Variants in PTPRN2 observed in about 807,000 individuals in gnomAD.
The protein encoded by PTPRN2 is protein tyrosine phosphatase receptor type N2, also known as receptor-type tyrosine-protein phosphatase N2.
In PTPRN2, 74 loss-of-function variants were observed where a neutral mutation model predicts 118.8. The observed-to-expected ratio is 0.62, with a 90% confidence interval of 0.52 to 0.76. The LOEUF is 0.76. Among genes scored for constraint, PTPRN2 ranks in the 30% least tolerant of loss-of-function variants. PTPRN2 has a pLI of 0.00. For synonymous variants in PTPRN2, 641 were observed against 608.0 expected, an observed-to-expected ratio of 1.05 and a Z score of -0.80; for missense variants, 1,481 against 1,394.4, an observed-to-expected ratio of 1.06 and a Z score of -0.99.
rs912633681 is a variant in PTPRN2 at position 157,861,451 on chromosome 7, T to C, written c.1788+37222A>G. Among the ~76,000 whole-genome samples, 9 of 152,246 alleles carry C rather than the reference T, an allele frequency of 5.9e-5. No individual in the cohort carries two copies. The highest frequency in any genetic ancestry group is 1.0e-4 in the Non-Finnish European group (7 of 68,032). ...GCAGCTGGTGATGCCCTGTGGCATC[T>C]GCCTCCTGCCCTCGGACATGCTGGC... On this transcript the variant is annotated intron_variant, in intron 12 of 22. Coordinates refer to ENST00000389418, the MANE Select transcript of PTPRN2 (RefSeq NM_002847.5). This position sits in a 1 kb window ranked among gnomAD's most constrained non-coding sequence, Gnocchi z 5.8.
At chr7:158,361,474 C>T (rs1808955054) in intron 2 of PTPRN2, among the ~76,000 whole-genome samples, 2 of 152,188 alleles carry the variant, frequency 1.3e-5, no homozygotes, top group Non-Finnish European at 2.9e-5. Context: ...CTGTGAAAAC[C>T]TCTTTTGCTC....
intron 1 of PTPRN2, among the ~76,000 whole-genome samples, chr7:158,508,150 CGGTG>C (rs1822903939): frequency 1.3e-5 from 2 of 150,340 alleles, no homozygotes; most frequent in African/African-American, 4.9e-5. Flanking sequence ...GACAGCCCCA[CGGTG>C]GGCAGAAGGC....
chr7:157,822,448 T>C (rs1356850781), intron 12 of PTPRN2, among the ~76,000 whole-genome samples: 1 of 151,966 alleles, frequency 6.6e-6, no homozygotes, highest in Non-Finnish European at 1.5e-5. Context: ...ATACTATCCA[T>C]CATCCATCTA....
chr7:158,098,180 G>A (rs1046748905), intron 10 of PTPRN2, among the ~76,000 whole-genome samples: 2 of 152,238 alleles, frequency 1.3e-5, no homozygotes, highest in Non-Finnish European at 2.9e-5. Context: ...AAGACCCAGC[G>A]TGGGGCAGCC....
intron 3 of PTPRN2, among the ~76,000 whole-genome samples, chr7:158,253,282 A>G (rs904561079): frequency 1.3e-5 from 2 of 150,890 alleles, no homozygotes; most frequent in Non-Finnish European, 2.9e-5. Flanking sequence ...GGGCCAGCAC[A>G]GCGGGCGGGG....
chr7:158,450,806 G>A (rs781478668), intron 2 of PTPRN2, among the ~76,000 whole-genome samples: 8 of 152,224 alleles, frequency 5.3e-5, no homozygotes, highest in Non-Finnish European at 8.8e-5. Context: ...TGCCACCTAC[G>A]CGCTTCCTTG....
At chr7:158,147,446 C>G (rs1820233849) in intron 6 of PTPRN2, among the ~76,000 whole-genome samples, 1 of 76,748 alleles carries the variant, frequency 1.3e-5, no homozygotes, top group Non-Finnish European at 2.4e-5. Context: ...CTTTCCCCCT[C>G]AATGACACCC....
rs1479654655 is a variant in PTPRN2 at position 158,015,108 on chromosome 7, G to A, written c.1723+66190C>T. Among the ~76,000 whole-genome samples, 6 of 152,112 alleles carry A rather than the reference G, an allele frequency of 3.9e-5. No homozygotes were observed. The highest frequency in any genetic ancestry group is 3.9e-4 in the Admixed American group (6 of 15,280). On this transcript the variant is annotated intron_variant, in intron 11 of 22. Transcript: ENST00000389418. This position sits in a 1 kb window ranked among gnomAD's most constrained non-coding sequence, Gnocchi z 4.2. ...TAAAAGTGGGTTGCTGAAATGAGAG[G>A]CTCAGATAGAGCAGAGGGAAACAAT...
chr7:158,568,082 G>C (rs148272036), intron 1 of PTPRN2, among the ~76,000 whole-genome samples: 2,547 of 152,226 alleles, frequency 0.017, 31 homozygotes, highest in Non-Finnish European at 0.024. Context: ...GTGAAACCTC[G>C]TATCTACTAA....
chr7:158,149,736 G>C (rs138622345), intron 6 of PTPRN2, among the ~76,000 whole-genome samples: 1 of 151,842 alleles, frequency 6.6e-6, no homozygotes, highest in South Asian at 2.1e-4. Flanking sequence ...CATGGGAGAC[G>C]GAGGTTGCGG....
intron 12 of PTPRN2, among the ~76,000 whole-genome samples, chr7:157,738,171 TC>T (rs1207514556): frequency 6.6e-6 from 1 of 152,200 alleles, no homozygotes; most frequent in Non-Finnish European, 1.5e-5. Context: ...CAGCTGAGAA[TC>T]AACAGGAATG....
At chr7:158,166,862 G>T (rs542915169) in intron 6 of PTPRN2, 69 bp downstream of exon 6, 1 of 1,393,568 alleles carries the variant, frequency 7.2e-7, no homozygotes, top group East Asian at 2.6e-5. Context: ...AGCATGGTGC[G>T]TCTGTCACTG....
chr7:157,595,528 A>AAGGTTAGGAAGCCAGG (rs1563245427), intron 16 of PTPRN2, among the ~76,000 whole-genome samples: 2 of 62,256 alleles, frequency 3.2e-5, no homozygotes, highest in South Asian at 5.1e-4. Flanking sequence ...AGGAAGCCAG[A>AAGGTTAGGAAGCCAGG]AGGTTAGGAA....
chr7:158,539,272 C>T (rs2129449348), intron 1 of PTPRN2: 1 of 152,368 alleles, frequency 6.6e-6, no homozygotes, highest in Middle Eastern at 3.4e-3. Flanking sequence ...CATTCACCCT[C>T]TAGGCACCTG....
At position 157,557,255 on chromosome 7, in the gene PTPRN2, A is replaced by T. The variant is rs374591267; in HGVS notation, c.2903-8236T>A. On this transcript the variant is annotated intron_variant, in intron 21 of 22. Transcript: ENST00000389418. ...CACACACACACACAGGCATGCACACACCACACAACACTCACATCCTACATC... is the reference window on the plus strand; with the variant it reads ...CACACACACACACAGGCATGCACACTCCACACAACACTCACATCCTACATC... Among the ~76,000 whole-genome samples, 11 of 151,304 alleles carry T rather than the reference A, an allele frequency of 7.3e-5. No individual in the cohort carries two copies. The East Asian group carries it at 7.8e-4, about 11-fold the overall frequency.
At chr7:157,613,625 TC>T (rs1802539980) in intron 15 of PTPRN2, among the ~76,000 whole-genome samples, 2 of 152,072 alleles carry the variant, frequency 1.3e-5, no homozygotes, top group South Asian at 2.1e-4. Context: ...CCGCGTTCCT[TC>T]CCCGGTTCTC....
chr7:158,081,191 G>C (rs1237876757), intron 11 of PTPRN2, 107 bp downstream of exon 11: 2 of 1,145,338 alleles, frequency 1.7e-6, no homozygotes, highest in Middle Eastern at 2.7e-4. Context: ...GCCCCATGTG[G>C]GTAGTGTGAG....
chr7:157,646,695 C>A (rs932556794), intron 14 of PTPRN2, among the ~76,000 whole-genome samples: 2 of 152,140 alleles, frequency 1.3e-5, no homozygotes, highest in Non-Finnish European at 2.9e-5. Flanking sequence ...GTCCCAGGAG[C>A]GTCAAGCAGG....
intron 2 of PTPRN2, among the ~76,000 whole-genome samples, chr7:158,467,015 C>T (rs977739726): frequency 3.3e-5 from 5 of 152,152 alleles, no homozygotes; most frequent in Non-Finnish European, 7.4e-5. Flanking sequence ...TAGGACAGAG[C>T]GAGACTGTCT....
Sources: gnomAD v4.1 joint callset for allele counts (sites outside exome capture counted in the v4.1 genomes callset) on GRCh38, gnomAD v4.1.1 for gene constraint, Gnocchi (gnomAD v3.1) non-coding constraint, MANE v1.5 for transcripts, NCBI Gene and HGNC (gene_info 2026-07-23, HGNC 2026-07-21) for gene names.